Variants in XYLT1 observed in about 807,000 individuals in gnomAD.
XYLT1 encodes beta-D-xylosyltransferase 1.
Under a neutral mutation model 91.3 loss-of-function variants are expected in XYLT1, and 36 were observed. The observed-to-expected ratio is 0.39, with a 90% confidence interval of 0.30 to 0.52. The LOEUF (loss-of-function observed/expected upper bound fraction) is 0.52, where lower values mean the gene tolerates loss of function less well. XYLT1 is among the 20% of genes least tolerant of loss of function. The probability of loss-of-function intolerance (pLI) is 0.68; values close to 1 mark genes in which losing one functional copy is unlikely to be tolerated. For missense variants in XYLT1, 1,242 were observed against 1,284.5 expected (o/e 0.97, Z 0.51); for synonymous variants, 588 against 532.0 (o/e 1.11, Z -1.45).
chr16:17,172,466 C>CTTTTTTTTTT (rs1157952692), intron 5 of XYLT1, among the ~76,000 whole-genome samples: 6 of 102,636 alleles, frequency 5.8e-5, no homozygotes, highest in Admixed American at 1.2e-4. Flanking sequence ...GCGTTCATTT[C>CTTTTTTTTTT]TTTTTTTTTT....
intron 5 of XYLT1, among the ~76,000 whole-genome samples, chr16:17,176,713 A>T (rs1255246425): frequency 6.6e-6 from 1 of 152,208 alleles, no homozygotes; most frequent in Non-Finnish European, 1.5e-5. Flanking sequence ...ATAGCAACAA[A>T]GCAACAGGAG....
intron 2 of XYLT1, among the ~76,000 whole-genome samples, chr16:17,285,592 A>T (rs898920771): frequency 2.0e-5 from 3 of 152,190 alleles, no homozygotes; most frequent in Non-Finnish European, 2.9e-5. Context: ...TTTCACCATC[A>T]TGCCCGGGGG....
intron 2 of XYLT1, among the ~76,000 whole-genome samples, chr16:17,342,734 A>G (rs903107125): frequency 2.0e-5 from 3 of 151,846 alleles, no homozygotes; most frequent in Non-Finnish European, 4.4e-5. Context: ...AAAAAAACAC[A>G]TGCGTTTCTC....
At position 17,145,597 on chromosome 16, in the gene XYLT1, G is replaced by A. The variant is rs534431338; in HGVS notation, c.1371-4228C>T. On this transcript the variant is annotated intron_variant, in intron 6 of 11. Transcript: ENST00000261381. The stretch of plus-strand genomic sequence containing the variant: ...GAGACAGAAAGACACAGTGCCAAGC[G>A]CTTGATGGGTTCACTTGAGATTCTG... 4.6e-5 allele frequency among the ~76,000 whole-genome samples: 7 copies of A among 152,332 alleles called. No individual in the cohort carries two copies. The South Asian group carries it at 1.0e-3, about 23-fold the overall frequency.
chr16:17,436,279 G>A (rs367783446), intron 1 of XYLT1, among the ~76,000 whole-genome samples: 2 of 152,162 alleles, frequency 1.3e-5, no homozygotes, highest in Non-Finnish European at 2.9e-5. Flanking sequence ...ACAATTACAC[G>A]GTCTAAGAGA....
chr16:17,365,784 G>A (rs927027857), intron 1 of XYLT1, among the ~76,000 whole-genome samples: 2 of 152,116 alleles, frequency 1.3e-5, no homozygotes, highest in Non-Finnish European at 2.9e-5. Context: ...AGAAACCACA[G>A]ACTCATGGAA....
At chr16:17,202,661 ACCCGCACC>A (rs2032564346) in intron 3 of XYLT1, among the ~76,000 whole-genome samples, 2 of 151,934 alleles carry the variant, frequency 1.3e-5, no homozygotes, top group African/African-American at 4.8e-5. Flanking sequence ...CTTTCACCTC[ACCCGCACC>A]TCTTTTACTC....
chr16:17,415,249 C>A (rs142868831), intron 1 of XYLT1, among the ~76,000 whole-genome samples: 2 of 152,298 alleles, frequency 1.3e-5, no homozygotes, highest in South Asian at 2.1e-4. Context: ...CCCCTCCCCT[C>A]CACTGCAACA....
At chr16:17,422,618 T>C (rs1226124361) in intron 1 of XYLT1, among the ~76,000 whole-genome samples, 2 of 152,154 alleles carry the variant, frequency 1.3e-5, no homozygotes, top group Non-Finnish European at 2.9e-5. Context: ...CAAGCGATTC[T>C]CCTGTCAGCC....
chr16:17,438,857 G>C (rs2036495972), intron 1 of XYLT1, among the ~76,000 whole-genome samples: 1 of 152,082 alleles, frequency 6.6e-6, no homozygotes, highest in African/African-American at 2.4e-5. Context: ...CCTCCCACCA[G>C]GCCCCTCCCT....
At chr16:17,148,947 G>A (rs2031209733) in intron 6 of XYLT1, among the ~76,000 whole-genome samples, 1 of 152,208 alleles carries the variant, frequency 6.6e-6, no homozygotes, top group South Asian at 2.1e-4. Context: ...TTTGCATTCA[G>A]TTTTACTTCC....
intron 5 of XYLT1, among the ~76,000 whole-genome samples, chr16:17,170,361 CT>C (rs1172849318): frequency 2.6e-5 from 4 of 152,198 alleles, no homozygotes; most frequent in African/African-American, 9.6e-5. Flanking sequence ...TCTGGGTCAT[CT>C]ATGTTCCCCA....
rs956474074 is a variant in XYLT1, at chr16:17,133,296, G to A, written c.2027+1177C>T. Reference sequence around the variant, plus strand: ...CCCCCCAGCCCCGTCAGAGACTGACGCTAAAAAAAAAAGATGCTATGTTGT... The same window carrying A: ...CCCCCCAGCCCCGTCAGAGACTGACACTAAAAAAAAAAGATGCTATGTTGT... On this transcript the variant is annotated intron_variant, in intron 9 of 11. Transcript: ENST00000261381. 4.0e-5 allele frequency among the ~76,000 whole-genome samples: 6 copies of A among 151,406 alleles called. No individual in the cohort carries two copies. In the South Asian group the frequency reaches 6.3e-4, roughly 16 times the overall value.
chr16:17,383,684 A>G (rs2035710554), intron 1 of XYLT1, among the ~76,000 whole-genome samples: 1 of 151,946 alleles, frequency 6.6e-6, no homozygotes, highest in East Asian at 2.0e-4. Context: ...GGCACTGGAA[A>G]CAGGCCAGGG....
intron 1 of XYLT1, among the ~76,000 whole-genome samples, chr16:17,383,843 G>A (rs2035714323): frequency 6.7e-6 from 1 of 149,908 alleles, no homozygotes; most frequent in African/African-American, 2.4e-5. Flanking sequence ...TGCCTCCCAA[G>A]TTCAAGTGAT....
intron 2 of XYLT1, among the ~76,000 whole-genome samples, chr16:17,351,095 G>A (rs1194501270): frequency 6.6e-6 from 1 of 152,104 alleles, no homozygotes; most frequent in African/African-American, 2.4e-5. Flanking sequence ...CTCCTGATGA[G>A]GTTTCTTCTC....
Position 17,108,022 on chromosome 16 carries a change from C to T in XYLT1, c.*673G>A, listed in dbSNP as rs1439819933. On this transcript the variant is annotated 3_prime_UTR_variant, in exon 12 of 12. Coordinates refer to ENST00000261381, the MANE Select transcript of XYLT1 (RefSeq NM_022166.4). ...AGGAGGGCTGCTGAGAGGCTCAGAG[C>T]TCTCCTAAGGCTGCAGCCTCCATGG... is the stretch of plus-strand genomic sequence containing the variant. The T allele has an allele frequency of 6.6e-6, 1 of 152,662 alleles. No individual in the cohort carries two copies. The highest frequency in any genetic ancestry group is 1.5e-5 in the Non-Finnish European group (1 of 68,072). 9.5% of individuals were successfully genotyped at this position (152,662 alleles called of 1,614,324 possible).
intron 2 of XYLT1, among the ~76,000 whole-genome samples, chr16:17,323,565 T>C (rs1596481989): frequency 6.6e-6 from 1 of 152,260 alleles, no homozygotes; most frequent in African/African-American, 2.4e-5. Flanking sequence ...AAACAGCAAA[T>C]TATTTAACTA....
rs890263388 is a variant in XYLT1, at chr16:17,104,957, C to G, written c.*3738G>C. 3 of 152,244 alleles carry G rather than the reference C, an allele frequency of 2.0e-5. No homozygotes were observed. The highest frequency in any genetic ancestry group is 2.9e-5 in the Non-Finnish European group (2 of 68,084). 9.4% of individuals were successfully genotyped at this position (152,244 alleles called of 1,614,324 possible). A position where few individuals can be genotyped will look rare whatever the true frequency, so the allele number is the denominator to read the frequency against. On this transcript the variant is annotated 3_prime_UTR_variant, in exon 12 of 12. Coordinates refer to ENST00000261381, the MANE Select transcript of XYLT1 (RefSeq NM_022166.4). ...CCCTACCACAGTGTGTGGCTTTGAT[C>G]CTGCAGGTCTAGCTTGCTGTCTTTA...
Sources: gnomAD v4.1 joint callset for allele counts (sites outside exome capture counted in the v4.1 genomes callset) on GRCh38, gnomAD v4.1.1 for gene constraint, MANE v1.5 for transcripts, NCBI Gene and HGNC (gene_info 2026-07-23, HGNC 2026-07-21) for gene names.